NTM: variants seen among roughly 807,000 people sequenced by gnomAD.
NTM encodes IgLON family member 2.
NTM carries 13 observed loss-of-function variants against 42.1 expected under a neutral mutation model. The ratio of observed to expected loss-of-function variants is 0.31; its 90% CI spans 0.20 to 0.49. The LOEUF (loss-of-function observed/expected upper bound fraction) is 0.49. Ranked by LOEUF, NTM falls within the 20% of genes least tolerant of loss-of-function variation. The pLI is 0.99. For synonymous variants in NTM, 187 were observed against 179.2 expected, an observed-to-expected ratio of 1.04 and a Z score of -0.35; for missense variants, 373 against 452.8, an observed-to-expected ratio of 0.82 and a Z score of 1.60.
At chr11:131,657,089 C>T (rs1223060086) in intron 1 of NTM, among the ~76,000 whole-genome samples, 1 of 151,218 alleles carries the variant, frequency 6.6e-6, no homozygotes, top group Non-Finnish European at 1.5e-5. Flanking sequence ...AGATGAAACC[C>T]TCTTTGAGCA....
intron 1 of NTM, among the ~76,000 whole-genome samples, chr11:131,744,491 T>C (rs1374803667): frequency 1.3e-5 from 2 of 152,142 alleles, no homozygotes; most frequent in African/African-American, 4.8e-5. Context: ...TGGGGGAAAG[T>C]ATCTCCCAAT....
chr11:132,250,776 C>A (rs2091856950), intron 4 of NTM, among the ~76,000 whole-genome samples: 1 of 151,982 alleles, frequency 6.6e-6, no homozygotes, highest in South Asian at 2.1e-4. Flanking sequence ...TATTATTAGT[C>A]AAGTTTGTCA....
chr11:131,601,690 C>T (rs1466207421), intron 1 of NTM, among the ~76,000 whole-genome samples: 1 of 152,036 alleles, frequency 6.6e-6, no homozygotes, highest in Non-Finnish European at 1.5e-5. Flanking sequence ...TACAGAAGTT[C>T]CCTTCTGACT....
At chr11:131,530,533 A>C (rs966854225) in intron 1 of NTM, among the ~76,000 whole-genome samples, 2 of 152,006 alleles carry the variant, frequency 1.3e-5, no homozygotes, top group East Asian at 1.9e-4. Flanking sequence ...CACTTTCCCC[A>C]CTATAGGGAG....
chr11:131,717,778 T>A (rs1412773726), intron 1 of NTM, among the ~76,000 whole-genome samples: 2 of 152,294 alleles, frequency 1.3e-5, no homozygotes, highest in East Asian at 1.9e-4. Flanking sequence ...GAATGGAGAT[T>A]CTTGTCTTGT....
chr11:132,105,344 T>C (rs2136645086), intron 2 of NTM, among the ~76,000 whole-genome samples: 1 of 152,118 alleles, frequency 6.6e-6, no homozygotes, highest in Admixed American at 6.5e-5. Flanking sequence ...AATAAATAAA[T>C]ATGTCTGCTT....
At chr11:131,778,849 T>A (rs983926869) in intron 1 of NTM, among the ~76,000 whole-genome samples, 1 of 152,150 alleles carries the variant, frequency 6.6e-6, no homozygotes, top group Non-Finnish European at 1.5e-5. Flanking sequence ...GATCTTTGAG[T>A]GAAGGCCGAA....
intron 4 of NTM, among the ~76,000 whole-genome samples, chr11:132,283,255 G>T (rs536438889): frequency 2.0e-5 from 3 of 152,074 alleles, no homozygotes; most frequent in Non-Finnish European, 4.4e-5. Flanking sequence ...AAAGTGCTGG[G>T]ATTATAGGCA....
chr11:131,478,682 G>A (rs1201322057), intron 1 of NTM, among the ~76,000 whole-genome samples: 1 of 152,188 alleles, frequency 6.6e-6, no homozygotes, highest in Non-Finnish European at 1.5e-5. Context: ...TGTTAAAAGT[G>A]ATGTTCCCAT....
At chr11:131,722,402 A>C (rs2078472747) in intron 1 of NTM, among the ~76,000 whole-genome samples, 1 of 152,152 alleles carries the variant, frequency 6.6e-6, no homozygotes, top group African/African-American at 2.4e-5. Flanking sequence ...TTTTGGTGAG[A>C]CTGCTTTCAT....
chr11:131,772,092 G>T (rs1430125549), intron 1 of NTM, among the ~76,000 whole-genome samples: 4 of 152,082 alleles, frequency 2.6e-5, no homozygotes, highest in African/African-American at 9.7e-5. Flanking sequence ...TATATTTTGA[G>T]CTCATGCTAG....
chr11:132,258,750 A>G (rs2092662836), intron 4 of NTM, among the ~76,000 whole-genome samples: 1 of 152,224 alleles, frequency 6.6e-6, no homozygotes, highest in Admixed American at 6.5e-5. Flanking sequence ...CAACACAAGT[A>G]AGCAGGGACA....
chr11:131,397,560 G>T (rs1047509149), intron 1 of NTM, among the ~76,000 whole-genome samples: 1 of 152,122 alleles, frequency 6.6e-6, no homozygotes. Context: ...CTTTGGGCGG[G>T]CATGAGGCAA....
At chr11:131,855,011 G>T (rs558243498) in intron 1 of NTM, among the ~76,000 whole-genome samples, 51 of 152,312 alleles carry the variant, frequency 3.3e-4, no homozygotes, top group Middle Eastern at 3.4e-3. Flanking sequence ...ATGCGGATGT[G>T]TGGGACCGGT....
rs773233050 is a variant in NTM, at chr11:131,521,383, C to CTTTTT, written c.82+150530_82+150534dup. Reference sequence around the variant, plus strand: ...AATGCAGAAGAAGCAAGGTGCCAGTCTTTTTTTTTTTTTTTTTTTTTTTTT... The same window carrying CTTTTT: ...AATGCAGAAGAAGCAAGGTGCCAGTCTTTTTTTTTTTTTTTTTTTTTTTTTTTTTT... On this transcript the variant is annotated intron_variant, in intron 1 of 8. Transcript: ENST00000683400. 9.8e-4 allele frequency among the ~76,000 whole-genome samples: 45 copies of CTTTTT among 45,756 alleles called. 17 individuals carry two copies. Among genetic ancestry groups the CTTTTT allele is most frequent in the Admixed American group, 2.3e-3 (6 of 2,650 alleles). 30.0% of individuals were successfully genotyped at this position (45,756 alleles called of 152,430 possible).
intron 1 of NTM, among the ~76,000 whole-genome samples, chr11:131,452,508 G>A (rs1950559828): frequency 6.6e-6 from 1 of 152,242 alleles, no homozygotes; most frequent in African/African-American, 2.4e-5. Context: ...TGACATGTGT[G>A]TGCTCATTTG....
At chr11:132,278,938 C>T (rs1037344215) in intron 4 of NTM, among the ~76,000 whole-genome samples, 3 of 152,162 alleles carry the variant, frequency 2.0e-5, no homozygotes, top group African/African-American at 7.2e-5. Flanking sequence ...CAGATCTGTA[C>T]AGCTCAGTCT....
At chr11:132,004,634 T>TCTCTCACA (rs1296009968) in intron 2 of NTM, among the ~76,000 whole-genome samples, 1 of 104,536 alleles carries the variant, frequency 9.6e-6, no homozygotes, top group African/African-American at 3.1e-5. Context: ...TCTCTCTCTC[T>TCTCTCACA]CACACACACA....
At position 131,527,854 on chromosome 11, in the gene NTM, G is replaced by A. The variant is rs918775075; in HGVS notation, c.82+156966G>A. 7.2e-4 allele frequency among the ~76,000 whole-genome samples: 109 copies of A among 151,360 alleles called. 1 individual carries two copies. The highest frequency in any genetic ancestry group is 2.5e-3 in the African/African-American group (100 of 40,656). Reference sequence around the variant, plus strand: ...AACAATCTGACTCTTTGGTAGATTTGGAAAGCGATAAATCAAATAACTATT... The same window carrying A: ...AACAATCTGACTCTTTGGTAGATTTAGAAAGCGATAAATCAAATAACTATT... On this transcript the variant is annotated intron_variant, in intron 1 of 8. Coordinates refer to ENST00000683400, the MANE Select transcript of NTM (RefSeq NM_001352005.2).
Sources: gnomAD v4.1 joint callset for allele counts (sites outside exome capture counted in the v4.1 genomes callset) on GRCh38, gnomAD v4.1.1 for gene constraint, MANE v1.5 for transcripts, NCBI Gene and HGNC (gene_info 2026-07-23, HGNC 2026-07-21) for gene names.